Variants in ZFR2 observed in about 807,000 individuals in gnomAD.
ZFR2 encodes zinc finger RNA binding protein 2.
ZFR2 carries 104 observed loss-of-function variants against 105.7 expected under a neutral mutation model. That is an observed-to-expected ratio of 0.98 (90% CI 0.84 to 1.16). The LOEUF is 1.16. Ranked by LOEUF, ZFR2 falls within the 50% of genes most tolerant of loss-of-function variation. The probability of loss-of-function intolerance (pLI) is 0.00; values close to 1 mark genes in which losing one functional copy is unlikely to be tolerated. For synonymous variants in ZFR2, 634 were observed against 597.7 expected (o/e 1.06, Z -0.89); for missense variants, 1,425 against 1,355.5 (o/e 1.05, Z -0.80).
At chr19:3,816,134 C>T (rs957088646) in intron 13 of ZFR2, among the ~76,000 whole-genome samples, 7 of 151,806 alleles carry the variant, frequency 4.6e-5, no homozygotes, top group Non-Finnish European at 8.8e-5. Flanking sequence ...CTCCTGGACT[C>T]GAGTGATCCT....
intron 1 of ZFR2, among the ~76,000 whole-genome samples, chr19:3,853,847 T>C (rs1000021375): frequency 1.3e-5 from 2 of 151,892 alleles, no homozygotes; most frequent in Admixed American, 1.3e-4. Context: ...GGCAGGAGGA[T>C]AGCTTGAGCC....
At chr19:3,806,751 T>A (rs1412206590) in intron 18 of ZFR2, among the ~76,000 whole-genome samples, 1 of 152,218 alleles carries the variant, frequency 6.6e-6, no homozygotes, top group African/African-American at 2.4e-5. Flanking sequence ...CAAGGCAAAA[T>A]TCAGAAACGT....
intron 16 of ZFR2, among the ~76,000 whole-genome samples, chr19:3,809,612 C>A (rs923714622): frequency 1.3e-5 from 2 of 152,200 alleles, no homozygotes; most frequent in Admixed American, 6.5e-5. Flanking sequence ...GCTACTGTGA[C>A]CTCCTCCCAG....
intron 1 of ZFR2, among the ~76,000 whole-genome samples, chr19:3,868,525 A>C (rs1171636346): frequency 7.2e-6 from 1 of 139,082 alleles, no homozygotes; most frequent in East Asian, 2.1e-4. Context: ...GGCACCTCCC[A>C]GGTCTCCTCC....
rs1442891431 is a variant in ZFR2, at chr19:3,815,943, G to A, written c.2103+731C>T. On this transcript the variant is annotated intron_variant, in intron 13 of 18. Coordinates refer to ENST00000262961, the MANE Select transcript of ZFR2 (RefSeq NM_015174.2). Reference sequence around the variant, plus strand: ...ATTTTTTTTTTGTATTTTTAGTAGAGACGGGGTTTCACCGTGTTAGCCAGG... The same window carrying A: ...ATTTTTTTTTTGTATTTTTAGTAGAAACGGGGTTTCACCGTGTTAGCCAGG... 2.6e-5 allele frequency among the ~76,000 whole-genome samples: 4 copies of A among 151,626 alleles called. No individual in the cohort carries two copies. The East Asian group carries it at 7.8e-4, about 30-fold the overall frequency.
chr19:3,855,674 C>A, intron 1 of ZFR2: 1 of 380,516 alleles, frequency 2.6e-6, no homozygotes, highest in Non-Finnish European at 4.6e-6. Flanking sequence ...GTTGCACTTT[C>A]TCACGGGCTG....
chr19:3,840,961 C>T (rs868553146), intron 1 of ZFR2, among the ~76,000 whole-genome samples: 14 of 152,262 alleles, frequency 9.2e-5, no homozygotes, highest in South Asian at 6.2e-4. Context: ...TAGGTCACGC[C>T]GGTCACTGCA....
intron 12 of ZFR2, among the ~76,000 whole-genome samples, chr19:3,817,165 TCA>T (rs2037834648): frequency 6.6e-6 from 1 of 152,130 alleles, no homozygotes; most frequent in Non-Finnish European, 1.5e-5. Flanking sequence ...GCTCCCGCGT[TCA>T]CGGACTCTGT....
At chr19:3,852,403 C>T in intron 1 of ZFR2, 2 of 700,310 alleles carry the variant, frequency 2.9e-6, no homozygotes, top group East Asian at 5.4e-5. Context: ...GGATGGGGCA[C>T]TGTGACTCTT....
chr19:3,842,486 A>G (rs1416605473), intron 1 of ZFR2, among the ~76,000 whole-genome samples: 2 of 152,240 alleles, frequency 1.3e-5, no homozygotes, highest in Non-Finnish European at 2.9e-5. Flanking sequence ...TTTTGTCTGA[A>G]AAAATGACAG....
At chr19:3,806,188 CAG>C in intron 18 of ZFR2, 63 bp from the exon 19 acceptor site, 1 of 1,387,866 alleles carries the variant, frequency 7.2e-7, no homozygotes, top group Non-Finnish European at 9.3e-7. Context: ...GCTGGGGACA[CAG>C]AGGGGCTGGT....
rs79642873 is a variant in ZFR2, at chr19:3,830,153, A to T, written c.852+1150T>A. On this transcript the variant is annotated intron_variant, in intron 5 of 18. Coordinates refer to ENST00000262961, the MANE Select transcript of ZFR2 (RefSeq NM_015174.2). Reference sequence around the variant, plus strand: ...TGTATCTACAAAAAAATTTTTTTTTAAATAGCCAGGCATGGTGGTGTGCAC... The same window carrying T: ...TGTATCTACAAAAAAATTTTTTTTTTAATAGCCAGGCATGGTGGTGTGCAC... Among the ~76,000 whole-genome samples, 14 of 144,584 alleles carry T rather than the reference A, an allele frequency of 9.7e-5. No homozygotes were observed. The East Asian group carries it at 2.7e-3, about 28-fold the overall frequency. 94.9% of individuals were successfully genotyped at this position (144,584 alleles called of 152,430 possible). A position where few individuals can be genotyped will look rare whatever the true frequency, so the allele number is the denominator to read the frequency against.
intron 18 of ZFR2, among the ~76,000 whole-genome samples, chr19:3,806,405 GGC>G (rs1457982280): frequency 6.6e-6 from 1 of 152,230 alleles, no homozygotes; most frequent in East Asian, 1.9e-4. Flanking sequence ...TGGGATTACA[GGC>G]GTGTGCCACC....
At chr19:3,848,992 TCAAAACAAAACAAAA>T (rs143956990) in intron 1 of ZFR2, among the ~76,000 whole-genome samples, 1 of 151,600 alleles carries the variant, frequency 6.6e-6, no homozygotes, top group Admixed American at 6.6e-5. Context: ...AGACTCCGTC[TCAAAACAAAACAAAA>T]CAAAACAAAA....
At chr19:3,818,072 T>A (rs574198722) in intron 12 of ZFR2, among the ~76,000 whole-genome samples, 2 of 152,260 alleles carry the variant, frequency 1.3e-5, no homozygotes, top group Admixed American at 6.5e-5. Flanking sequence ...GCTGTGGAGA[T>A]GGACAGGGGT....
rs989866153 is a variant in ZFR2, at chr19:3,818,935, CGACGGCTCCAGGCCCATCA to C, written c.1931+91_1931+109del. 1.6e-5 allele frequency: 22 copies of C among 1,366,868 alleles called. No individual in the cohort carries two copies. In the African/African-American group the frequency reaches 3.1e-4, roughly 19 times the overall value. 84.7% of individuals were successfully genotyped at this position (1,366,868 alleles called of 1,614,324 possible). On this transcript the variant is annotated intron_variant, in intron 12 of 18. Coordinates refer to ENST00000262961, the MANE Select transcript of ZFR2 (RefSeq NM_015174.2). The stretch of plus-strand genomic sequence containing the variant: ...GGGCTGGAAAGCTGCCGCGGGCCAC[CGACGGCTCCAGGCCCATCA>C]GAGCTAGGGGTTCCTGCAGGGTCTC...
intron 1 of ZFR2, among the ~76,000 whole-genome samples, chr19:3,859,596 G>A (rs1375789316): frequency 2.6e-5 from 4 of 152,238 alleles, no homozygotes; most frequent in Non-Finnish European, 4.4e-5. Context: ...GTGGGTCTGC[G>A]ACTGCGTGCA....
At chr19:3,857,662 C>T (rs1348849755) in intron 1 of ZFR2, among the ~76,000 whole-genome samples, 1 of 144,638 alleles carries the variant, frequency 6.9e-6, no homozygotes, top group African/African-American at 2.6e-5. Context: ...CGCCACTGCA[C>T]TGCAGCCTGG....
intron 1 of ZFR2, among the ~76,000 whole-genome samples, chr19:3,840,041 C>T (rs982278785): frequency 6.6e-6 from 1 of 152,094 alleles, no homozygotes; most frequent in Admixed American, 6.6e-5. Flanking sequence ...CCCCGCAACT[C>T]GCTTCTCCAA....
Sources: allele counts gnomAD v4.1 joint callset (sites outside exome capture counted in the v4.1 genomes callset), GRCh38; gene constraint gnomAD v4.1.1; transcripts MANE v1.5; gene names NCBI Gene and HGNC (gene_info 2026-07-23, HGNC 2026-07-21).